The following IQANK1 variants were observed in gnomAD, a reference collection of about 807,000 sequenced individuals.
IQANK1 encodes the protein IQ motif and ankyrin repeat domain-containing protein 1.
A neutral mutation model predicts 22.6 loss-of-function variants in IQANK1; 30 were observed. The observed-to-expected ratio is 1.33, with a 90% CI of 0.99 to 1.80. The LOEUF (loss-of-function observed/expected upper bound fraction) is 1.80, where lower values mean the gene tolerates loss of function less well. Among genes scored for constraint, IQANK1 ranks in the 40% most tolerant of loss-of-function variants. The pLI is 0.00. For synonymous variants in IQANK1, 122 were observed against 99.6 expected, an observed-to-expected ratio of 1.23 and a Z score of -1.34; for missense variants, 275 against 235.2, an observed-to-expected ratio of 1.17 and a Z score of -1.11.
chr8:143,772,481 G>GGGTGTGGACCCCAGA lies in IQANK1; in HGVS notation c.789+7_789+21dup. 2.5e-6 allele frequency: 1 copy of GGGTGTGGACCCCAGA among 399,166 alleles called. No homozygotes were observed. The highest frequency in any genetic ancestry group is 3.6e-5 in the East Asian group (1 of 28,068). The allele number at this position is 399,166 out of a possible 1,614,324, so 24.7% of individuals were successfully genotyped here. On this transcript the variant is annotated inframe_insertion and splice_region_variant, in exon 7 of 14. Coordinates refer to ENST00000527139, the MANE Select transcript of IQANK1 (RefSeq NM_001381874.1). ...GCAGAGGACGGGAGCACCCCTGAGC[G>GGGTGTGGACCCCAGA]GGTGTGGACCCCAGAGGTGTGGGCC...
chr8:143,778,243 G>A (rs1179280537), intron 7 of IQANK1, among the ~76,000 whole-genome samples: 3 of 151,612 alleles, frequency 2.0e-5, no homozygotes, highest in African/African-American at 7.3e-5. Context: ...AAAAATTGTA[G>A]CTAACTATGT....
chr8:143,753,001 T>G (rs1302171019), intron 3 of IQANK1, among the ~76,000 whole-genome samples: 2 of 133,064 alleles, frequency 1.5e-5, no homozygotes, highest in Non-Finnish European at 3.2e-5. Context: ...TGTTCGTTTT[T>G]TTTTTTTTTT....
chr8:143,749,410 TATATA>T (rs1465571951), intron 3 of IQANK1, among the ~76,000 whole-genome samples: 3 of 130,152 alleles, frequency 2.3e-5, no homozygotes, highest in African/African-American at 9.4e-5. Context: ...TATCATATCA[TATATA>T]ATATATACAT....
intron 3 of IQANK1, among the ~76,000 whole-genome samples, chr8:143,755,096 C>G (rs1819266540): frequency 6.6e-6 from 1 of 152,182 alleles, no homozygotes; most frequent in Non-Finnish European, 1.5e-5. Context: ...CATTATAGAG[C>G]TTCCCCCACA....
At chr8:143,755,759 G>A (rs151079969) in intron 3 of IQANK1, among the ~76,000 whole-genome samples, 3,684 of 152,292 alleles carry the variant, frequency 0.024, 70 homozygotes, top group Middle Eastern at 0.065. Flanking sequence ...GTGAGGACAC[G>A]CAGTGCCCCT....
At chr8:143,784,278 T>G (rs1192033802) in intron 7 of IQANK1, among the ~76,000 whole-genome samples, 2 of 152,186 alleles carry the variant, frequency 1.3e-5, no homozygotes. Context: ...CCCCATGGTC[T>G]TCTCACAATA....
intron 3 of IQANK1, among the ~76,000 whole-genome samples, chr8:143,755,397 C>T (rs532608175): frequency 6.6e-6 from 1 of 152,248 alleles, no homozygotes; most frequent in African/African-American, 2.4e-5. Context: ...CGGAGTCTTG[C>T]TCTGTCCCCA....
In IQANK1 at chr8:143,734,480, AC is replaced by A. The variant is rs557664957; in HGVS notation, c.-5+268del. ...ACTTGTAGGGGACTCTGCCGCAGTG[AC>A]CCCCCCATGCACATGCGGACCCCGA... On this transcript the variant is annotated intron_variant, in intron 1 of 13. Transcript: ENST00000527139. 3.3e-3 allele frequency among the ~76,000 whole-genome samples: 474 copies of A among 145,590 alleles called. 3 individuals carry two copies. The highest frequency in any genetic ancestry group is 6.0e-3 in the Non-Finnish European group (402 of 66,534).
chr8:143,738,689 A>G (rs1015100656), intron 2 of IQANK1, among the ~76,000 whole-genome samples: 9 of 152,202 alleles, frequency 5.9e-5, no homozygotes, highest in African/African-American at 2.2e-4. Flanking sequence ...GGCGGCACCA[A>G]TGCCCCCCGC....
intron 3 of IQANK1, among the ~76,000 whole-genome samples, chr8:143,748,739 T>C (rs1554627570): frequency 9.1e-6 from 1 of 110,274 alleles, no homozygotes; most frequent in Non-Finnish European, 1.6e-5. Context: ...TATATAAATA[T>C]ATAAATATAT....
intron 3 of IQANK1, chr8:143,743,870 G>T (rs889708307): frequency 4.7e-6 from 2 of 424,678 alleles, no homozygotes; most frequent in South Asian, 1.7e-5. Flanking sequence ...ATGGAGTTTC[G>T]CTCTGTTGCC....
intron 7 of IQANK1, among the ~76,000 whole-genome samples, chr8:143,773,227 A>G (rs2129913215): frequency 6.6e-6 from 1 of 151,948 alleles, no homozygotes; most frequent in South Asian, 2.1e-4. Context: ...GAATCGTTTG[A>G]ACCTGGGAGG....
intron 3 of IQANK1, among the ~76,000 whole-genome samples, chr8:143,760,854 G>T (rs554557945): frequency 6.6e-6 from 1 of 152,216 alleles, no homozygotes; most frequent in Admixed American, 6.5e-5. Context: ...GCATCGCGGC[G>T]GGGCCCTCCC....
intron 3 of IQANK1, among the ~76,000 whole-genome samples, chr8:143,769,370 T>TA (rs1819532331): frequency 6.6e-6 from 1 of 151,598 alleles, no homozygotes; most frequent in African/African-American, 2.4e-5. Flanking sequence ...CTATATATAT[T>TA]TTTTTAAAGA....
chr8:143,772,539 T>TGTGAGCCCCGGGAGGTGTGGGTAC (rs1563777123), intron 7 of IQANK1, 57 bp downstream of exon 7: 1 of 397,856 alleles, frequency 2.5e-6, no homozygotes, highest in Non-Finnish European at 4.4e-6. Context: ...GGTGTGGGCC[T>TGTGAGCCCCGGGAGGTGTGGGTAC]CGGGAGGTGT....
rs1301084983 is a variant in IQANK1, at chr8:143,789,798, G to A, written c.1124G>A (p.Arg375Gln). The A allele has an allele frequency of 6.4e-5, 79 of 1,231,990 alleles. 1 individual carries two copies. In the Admixed American group the frequency reaches 2.2e-3, roughly 34 times the overall value. The allele number at this position is 1,231,990 out of a possible 1,614,324, so 76.3% of individuals were successfully genotyped here. Reference sequence around the variant, plus strand: ...ACAGAGGCCCAGGTGGACAGGCTGCGGCAGGAGGCCCAGAAGGCCGAGGAG... The same window carrying A: ...ACAGAGGCCCAGGTGGACAGGCTGCAGCAGGAGGCCCAGAAGGCCGAGGAG... The part of the protein sequence containing the change: ...KDTEAQVDRL[R>Q]QEAQKAEEAL... The change falls in exon 11 of 14, where the codon CGG (arginine) becomes CAG (glutamine). Residue 375 changes from arginine (R) to glutamine (Q), a missense_variant. By Grantham distance (43) the Arg-to-Gln change is conservative. Coordinates refer to ENST00000527139, the MANE Select transcript of IQANK1 (RefSeq NM_001381874.1).
rs1165925006 is a variant in IQANK1 at position 143,790,046 on chromosome 8, G to A, written c.1271G>A (p.Arg424His). Residue 424 changes from arginine (R) to histidine (H), a missense_variant, in exon 12 of 14, where the codon CGC becomes CAC. Physicochemically the swap from Arg to His is conservative, Grantham distance 29 (BLOSUM62 0). Transcript: ENST00000527139. ...GTGCTGATGAAAGATGTAGGCAACC[G>A]CATCCGTGCCGATGGCCGGTCAGTT... ...HDVLMKDVGN[R>H]IRADGRWPLV... 5.7e-6 allele frequency: 7 copies of A among 1,232,002 alleles called. No homozygotes were observed. Among genetic ancestry groups the A allele is most frequent in the African/African-American group, 4.7e-5 (3 of 64,434 alleles). 76.3% of individuals were successfully genotyped at this position (1,232,002 alleles called of 1,614,324 possible).
intron 3 of IQANK1, among the ~76,000 whole-genome samples, chr8:143,755,143 G>A (rs1819267375): frequency 6.6e-6 from 1 of 152,056 alleles, no homozygotes; most frequent in African/African-American, 2.4e-5. Flanking sequence ...AGCATATACT[G>A]CATCCCATAA....
chr8:143,744,133 C>A, intron 3 of IQANK1: 1 of 200,466 alleles, frequency 5.0e-6, no homozygotes, highest in South Asian at 6.8e-5. Flanking sequence ...GGCCTGGCTC[C>A]TTTTCCACTT....
Sources: allele counts gnomAD v4.1 joint callset (sites outside exome capture counted in the v4.1 genomes callset), GRCh38; gene constraint gnomAD v4.1.1; transcripts MANE v1.5; gene names NCBI Gene and HGNC (gene_info 2026-07-23, HGNC 2026-07-21).